CACNA1C: variants seen among roughly 807,000 people sequenced by gnomAD.
The protein encoded by CACNA1C is calcium voltage-gated channel subunit alpha1 C.
A neutral mutation model predicts 229.0 loss-of-function variants in CACNA1C; 30 were observed. That is an observed-to-expected ratio of 0.13 (90% confidence interval 0.10 to 0.18). The LOEUF (loss-of-function observed/expected upper bound fraction) is 0.18. CACNA1C is among the 10% of genes least tolerant of loss of function. The pLI is 1.00. For missense variants in CACNA1C, 1,658 were observed against 2,845.0 expected, an observed-to-expected ratio of 0.58 and a Z score of 9.49; for synonymous variants, 1,114 against 1,132.5, an observed-to-expected ratio of 0.98 and a Z score of 0.33.
At chr12:2,527,224 C>T (rs1226563537) in intron 9 of CACNA1C, among the ~76,000 whole-genome samples, 1 of 152,168 alleles carries the variant, frequency 6.6e-6, no homozygotes, top group Non-Finnish European at 1.5e-5. Context: ...TCAATAGTGC[C>T]TTGTGTGCAG....
At chr12:2,052,675 G>A (rs1244018838), upstream of CACNA1C, among the ~76,000 whole-genome samples, 1 of 144,484 alleles carries the variant, frequency 6.9e-6, no homozygotes, top group Non-Finnish European at 1.5e-5. Flanking sequence ...CCTCCCCGGG[G>A]GCTCCTCACG....
chr12:2,190,040 C>A (rs887949581), intron 3 of CACNA1C, among the ~76,000 whole-genome samples: 2 of 152,184 alleles, frequency 1.3e-5, no homozygotes, highest in Non-Finnish European at 2.9e-5. Flanking sequence ...CAACCAGAAC[C>A]TGCTCTTTGT....
chr12:2,514,724 T>C (rs2099792604), intron 9 of CACNA1C, among the ~76,000 whole-genome samples: 1 of 151,982 alleles, frequency 6.6e-6, no homozygotes, highest in African/African-American at 2.4e-5. Flanking sequence ...AAACCTGCAG[T>C]AGCCACTACA....
In CACNA1C at chr12:2,087,250, G is replaced by A. The variant is rs531701295; in HGVS notation, c.50-27974G>A. Among the ~76,000 whole-genome samples, 65 of 152,294 alleles carry A rather than the reference G, an allele frequency of 4.3e-4. 1 individual carries two copies. Among genetic ancestry groups the A allele is most frequent in the Non-Finnish European group, 1.9e-4 (13 of 68,030 alleles). ...ACCATCTGATTCTTGGTACCTGCTT[G>A]CCATTGCCAGATGTGTTCCTCAGGG... is the stretch of plus-strand genomic sequence containing the variant. On this transcript the variant is annotated intron_variant, in intron 1 of 46. Transcript: ENST00000399655.
chr12:2,527,063 T>C (rs1349567206), intron 9 of CACNA1C, among the ~76,000 whole-genome samples: 1 of 152,228 alleles, frequency 6.6e-6, no homozygotes, highest in Non-Finnish European at 1.5e-5. Flanking sequence ...AGTGTTTTGT[T>C]TTATTCTACA....
Position 2,246,864 on chromosome 12 carries a change from A to G in CACNA1C, c.477+126434A>G, listed in dbSNP as rs147748768. 2.1e-3 allele frequency among the ~76,000 whole-genome samples: 322 copies of G among 152,270 alleles called. 1 individual carries two copies. The highest frequency in any genetic ancestry group is 7.4e-3 in the African/African-American group (306 of 41,558). ...CAAGAACTGTAATCTCCTGTCTTCA[A>G]GGAGGCCAGTTCCCTGGGCTGACGC... On this transcript the variant is annotated intron_variant, in intron 3 of 46. Coordinates refer to ENST00000399655, the MANE Select transcript of CACNA1C (RefSeq NM_000719.7).
intron 3 of CACNA1C, among the ~76,000 whole-genome samples, chr12:2,260,749 G>A (rs1199348563): frequency 6.6e-6 from 1 of 152,164 alleles, no homozygotes; most frequent in Non-Finnish European, 1.5e-5. Context: ...CTCCTAAAGT[G>A]GGGTTAATTA....
chr12:1,996,733 T>C (rs1167006121), intron 1 of CACNA1C, among the ~76,000 whole-genome samples: 1 of 147,016 alleles, frequency 6.8e-6, no homozygotes, highest in Non-Finnish European at 1.5e-5. Flanking sequence ...GGGCCACGTG[T>C]CCTATGGGCC....
At chr12:2,510,271 T>G (rs1378020876) in intron 8 of CACNA1C, among the ~76,000 whole-genome samples, 1 of 152,140 alleles carries the variant, frequency 6.6e-6, no homozygotes, top group South Asian at 2.1e-4. Flanking sequence ...GGCAAGGAGA[T>G]AAAGAGAGCC....
At chr12:2,559,797 G>T (rs559841198) in intron 11 of CACNA1C, among the ~76,000 whole-genome samples, 3 of 152,112 alleles carry the variant, frequency 2.0e-5, no homozygotes, top group African/African-American at 4.8e-5. Flanking sequence ...TAGTGTGTCC[G>T]CAGAGTGTGT....
At chr12:2,105,769 G>A (rs11062124) in intron 1 of CACNA1C, among the ~76,000 whole-genome samples, 74 of 94,520 alleles carry the variant, frequency 7.8e-4, no homozygotes, top group African/African-American at 1.6e-3. Context: ...TCAGCTGGGC[G>A]TCCTGAAGCC....
chr12:2,237,841 A>G (rs1051323258), intron 3 of CACNA1C, among the ~76,000 whole-genome samples: 2 of 152,228 alleles, frequency 1.3e-5, no homozygotes, highest in African/African-American at 2.4e-5. Context: ...TCGATAGAAC[A>G]TTAATTAACA....
chr12:2,301,778 G>A (rs1265934559), intron 3 of CACNA1C, among the ~76,000 whole-genome samples: 2 of 152,182 alleles, frequency 1.3e-5, no homozygotes, highest in African/African-American at 4.8e-5. Context: ...CATTTTCCAA[G>A]CCCCAGACTC....
intron 3 of CACNA1C, among the ~76,000 whole-genome samples, chr12:2,179,524 A>G (rs1007100728): frequency 2.0e-5 from 3 of 152,024 alleles, no homozygotes; most frequent in African/African-American, 7.3e-5. Flanking sequence ...CACCACAGAA[A>G]CTCCGGGCTC....
chr12:2,415,821 A>G (rs1206431374), intron 3 of CACNA1C, among the ~76,000 whole-genome samples: 1 of 151,842 alleles, frequency 6.6e-6, no homozygotes, highest in Non-Finnish European at 1.5e-5. Flanking sequence ...CTCTTTGCCT[A>G]CCTTTCTCTC....
chr12:2,097,745 A>G (rs1053027713), intron 1 of CACNA1C, among the ~76,000 whole-genome samples: 2 of 152,150 alleles, frequency 1.3e-5, no homozygotes, highest in East Asian at 3.9e-4. Context: ...GCCGCTCAGC[A>G]TAGCTGAGTG....
At chr12:2,598,964 G>A (rs562702727) in intron 21 of CACNA1C, among the ~76,000 whole-genome samples, 4 of 152,276 alleles carry the variant, frequency 2.6e-5, no homozygotes, top group Admixed American at 6.5e-5. Flanking sequence ...AAGATGCACC[G>A]CGGCAAAACC....
intron 3 of CACNA1C, among the ~76,000 whole-genome samples, chr12:2,251,318 T>G (rs1440404767): frequency 6.6e-6 from 1 of 152,168 alleles, no homozygotes; most frequent in Non-Finnish European, 1.5e-5. Context: ...GGGCAGGCGG[T>G]CAATGGCTGG....
chr12:2,072,123 A>G (rs2061554576), intron 1 of CACNA1C, among the ~76,000 whole-genome samples: 1 of 151,974 alleles, frequency 6.6e-6, no homozygotes, highest in African/African-American at 2.4e-5. Flanking sequence ...GACATTTAAT[A>G]AAACTGTATT....
Sources: gnomAD v4.1 joint callset for allele counts (sites outside exome capture counted in the v4.1 genomes callset) on GRCh38, gnomAD v4.1.1 for gene constraint, MANE v1.5 for transcripts, NCBI Gene and HGNC (gene_info 2026-07-23, HGNC 2026-07-21) for gene names.